The following C12orf42 variants were observed in gnomAD, a reference collection of about 807,000 sequenced individuals.
The protein encoded by C12orf42 is chromosome 12 open reading frame 42, also known as uncharacterized protein C12orf42.
Under a neutral mutation model 21.6 loss-of-function variants are expected in C12orf42, and 25 were observed. That is an observed-to-expected ratio of 1.16 (90% confidence interval 0.84 to 1.62). C12orf42 has a LOEUF of 1.62. Ranked by LOEUF, C12orf42 falls within the 40% of genes most tolerant of loss-of-function variation. The pLI, the probability that C12orf42 is intolerant of heterozygous loss-of-function variation, is 0.00. For synonymous variants in C12orf42, 174 were observed against 175.0 expected, an observed-to-expected ratio of 0.99 and a Z score of 0.05; for missense variants, 483 against 459.3, an observed-to-expected ratio of 1.05 and a Z score of -0.47.
intron 10 of C12orf42, among the ~76,000 whole-genome samples, chr12:103,249,458 T>G (rs1371901269): frequency 6.6e-6 from 1 of 151,854 alleles, no homozygotes; most frequent in Non-Finnish European, 1.5e-5. Flanking sequence ...TCGACATAAG[T>G]GAAGGAAGAA....
intron 4 of C12orf42, among the ~76,000 whole-genome samples, chr12:103,286,512 G>A (rs1340774523): frequency 6.6e-6 from 1 of 151,314 alleles, no homozygotes; most frequent in Non-Finnish European, 1.5e-5. Context: ...GACTTAATGT[G>A]AGGTATGTAT....
At chr12:103,157,324 GT>G in the C12orf42 span, among the ~76,000 whole-genome samples, 4 of 151,934 alleles carry the variant, frequency 2.6e-5, no homozygotes, top group Middle Eastern at 3.4e-3. Context: ...GGAGTTGTTT[GT>G]TTTTTTCTTT....
At chr12:103,558,790 T>C in the C12orf42 span, 2 of 152,022 alleles carry the variant, frequency 1.3e-5, no homozygotes. Flanking sequence ...GGGAGAGAAT[T>C]TAGTGAGAGA....
chr12:103,190,371 TC>T, the C12orf42 span, among the ~76,000 whole-genome samples: 1 of 145,812 alleles, frequency 6.9e-6, no homozygotes, highest in Non-Finnish European at 1.5e-5. Context: ...GGCCTTCCTC[TC>T]CCAGCCCACT....
the C12orf42 span, among the ~76,000 whole-genome samples, chr12:103,142,465 G>A: frequency 3.9e-5 from 6 of 152,250 alleles, no homozygotes; most frequent in South Asian, 6.2e-4. Context: ...AGTCAAATTA[G>A]TTTTATCTGG....
At chr12:103,331,154 T>C (rs1316067089) in intron 4 of C12orf42, among the ~76,000 whole-genome samples, 4 of 152,212 alleles carry the variant, frequency 2.6e-5, no homozygotes, top group African/African-American at 4.8e-5. Context: ...CTGAACATCA[T>C]AGGTTAGCCT....
Position 103,343,638 on chromosome 12 carries a change from G to A in C12orf42, c.259+25249C>T, listed in dbSNP as rs137994326. On this transcript the variant is annotated intron_variant, in intron 4 of 5. Coordinates refer to ENST00000548883, the MANE Select transcript of C12orf42 (RefSeq NM_198521.5). ...TACTAAAAATACAAAAAAATCAGCC[G>A]AGCATAGTGGCTGTAATCCTAGATA... Among the ~76,000 whole-genome samples, 468 of 151,882 alleles carry A rather than the reference G, an allele frequency of 3.1e-3. 3 individuals are homozygous for A. The highest frequency in any genetic ancestry group is 0.01 in the African/African-American group (427 of 41,402).
chr12:103,151,190 G>A, the C12orf42 span, among the ~76,000 whole-genome samples: 1 of 152,136 alleles, frequency 6.6e-6, no homozygotes, highest in Non-Finnish European at 1.5e-5. Context: ...GCCTCCCAAA[G>A]TGCTGGCATT....
At chr12:103,092,486 C>G in the C12orf42 span, among the ~76,000 whole-genome samples, 1 of 152,182 alleles carries the variant, frequency 6.6e-6, no homozygotes, top group Admixed American at 6.5e-5. Flanking sequence ...TAACAGACCT[C>G]TTAATTACAT....
At chr12:103,059,336 T>C in the C12orf42 span, among the ~76,000 whole-genome samples, 83 of 152,288 alleles carry the variant, frequency 5.5e-4, no homozygotes, top group African/African-American at 1.9e-3. Context: ...CAGTAATTAA[T>C]AGTCTACCAA....
At chr12:103,459,626 T>C (rs1952553712) in intron 2 of C12orf42, among the ~76,000 whole-genome samples, 1 of 152,174 alleles carries the variant, frequency 6.6e-6, no homozygotes, top group South Asian at 2.1e-4. Flanking sequence ...TCTTAATAAA[T>C]TGCCCAGCCT....
At chr12:103,542,265 A>C in the C12orf42 span, among the ~76,000 whole-genome samples, 1 of 152,358 alleles carries the variant, frequency 6.6e-6, no homozygotes, top group Non-Finnish European at 1.5e-5. Context: ...TATTCATTAC[A>C]TAGTATGAAC....
the C12orf42 span, among the ~76,000 whole-genome samples, chr12:103,103,784 C>A: frequency 1.1e-4 from 17 of 151,210 alleles, no homozygotes; most frequent in African/African-American, 4.1e-4. Context: ...CGATAGTAAT[C>A]AATTTCATAT....
At chr12:103,057,893 T>G in the C12orf42 span, among the ~76,000 whole-genome samples, 3 of 152,144 alleles carry the variant, frequency 2.0e-5, no homozygotes, top group Admixed American at 6.5e-5. Flanking sequence ...ATCACCATTC[T>G]GACTAGCAGG....
the C12orf42 span, among the ~76,000 whole-genome samples, chr12:103,530,626 C>CCGGG: frequency 6.6e-6 from 1 of 150,782 alleles, no homozygotes; most frequent in East Asian, 1.9e-4. Context: ...GGCAAGTGTT[C>CCGGG]GGGGGGGGAA....
the C12orf42 span, among the ~76,000 whole-genome samples, chr12:103,075,082 T>C: frequency 2.6e-5 from 4 of 152,028 alleles, no homozygotes; most frequent in African/African-American, 9.7e-5. Context: ...AGTAAGACTG[T>C]CTCAAAACTA....
chr12:103,163,710 G>A, the C12orf42 span, among the ~76,000 whole-genome samples: 1 of 152,144 alleles, frequency 6.6e-6, no homozygotes, highest in Non-Finnish European at 1.5e-5. Flanking sequence ...AAGTATAACT[G>A]AGTAGGTTTG....
intron 1 of C12orf42, among the ~76,000 whole-genome samples, chr12:103,481,079 A>G (rs1223980759): frequency 3.3e-5 from 5 of 151,682 alleles, no homozygotes; most frequent in African/African-American, 9.7e-5. Flanking sequence ...TAAAGTTTAG[A>G]GTTATATCTT....
chr12:103,277,947 T>TA (rs1406735017), intron 4 of C12orf42, among the ~76,000 whole-genome samples: 1 of 152,136 alleles, frequency 6.6e-6, no homozygotes, highest in Non-Finnish European at 1.5e-5. Context: ...TATTAAGAGA[T>TA]ACAGAAAATA....
Sources: gnomAD v4.1 joint callset for allele counts (sites outside exome capture counted in the v4.1 genomes callset) on GRCh38, gnomAD v4.1.1 for gene constraint, MANE v1.5 for transcripts, NCBI Gene and HGNC (gene_info 2026-07-23, HGNC 2026-07-21) for gene names.